RAP1A: variants seen among roughly 807,000 people sequenced by gnomAD.
The protein encoded by RAP1A is RAP1A, member of RAS oncogene family, also known as ras-related protein Rap-1A.
In RAP1A, 6 loss-of-function variants were observed where a neutral mutation model predicts 26.4. That is an observed-to-expected ratio of 0.23 (90% CI 0.12 to 0.45). The LOEUF is 0.45. Among genes scored for constraint, RAP1A ranks in the 20% least tolerant of loss-of-function variants. The probability of loss-of-function intolerance (pLI) is 0.99; values close to 1 mark genes in which losing one functional copy is unlikely to be tolerated. For missense variants in RAP1A, 121 were observed against 217.2 expected, an observed-to-expected ratio of 0.56 and a Z score of 2.78; for synonymous variants, 73 against 79.4, an observed-to-expected ratio of 0.92 and a Z score of 0.43.
chr1:111,685,249 G>A (rs986092924), intron 1 of RAP1A, among the ~76,000 whole-genome samples: 1 of 152,058 alleles, frequency 6.6e-6, no homozygotes, highest in African/African-American at 2.4e-5. Flanking sequence ...AAAAGCAATG[G>A]CAACGAAAGC....
intron 3 of RAP1A, among the ~76,000 whole-genome samples, chr1:111,695,937 G>A (rs1406369004): frequency 6.6e-6 from 1 of 152,186 alleles, no homozygotes; most frequent in Non-Finnish European, 1.5e-5. Context: ...TGATAACGAT[G>A]TGTTCATGTG....
chr1:111,607,104 G>A (rs890494736), intron 1 of RAP1A, among the ~76,000 whole-genome samples: 2 of 150,720 alleles, frequency 1.3e-5, no homozygotes, highest in Non-Finnish European at 1.5e-5. Context: ...CAATAGTGGA[G>A]GGAAGGTCAG....
In RAP1A at chr1:111,653,683, C is replaced by CAAAAA. The variant is rs71099925; in HGVS notation, c.-28+33771_-28+33775dup. On this transcript the variant is annotated intron_variant, in intron 1 of 7. Coordinates refer to ENST00000369709, the MANE Select transcript of RAP1A (RefSeq NM_002884.4). ...GGGCTACAAGAGCGAAACTCTGTCT[C>CAAAAA]AAAAAAAAAAAAAAAAAAAAAAAAA... is the stretch of plus-strand genomic sequence containing the variant. Among the ~76,000 whole-genome samples, 11 of 65,706 alleles carry CAAAAA rather than the reference C, an allele frequency of 1.7e-4. 1 individual carries two copies. Among genetic ancestry groups the CAAAAA allele is most frequent in the African/African-American group, 7.0e-4 (10 of 14,258 alleles). 43.1% of individuals were successfully genotyped at this position (65,706 alleles called of 152,430 possible).
At chr1:111,546,408 A>G (rs1657035400) in intron 1 of RAP1A, among the ~76,000 whole-genome samples, 1 of 152,104 alleles carries the variant, frequency 6.6e-6, no homozygotes, top group African/African-American at 2.4e-5. Flanking sequence ...TACCCATTAA[A>G]CAGTAACTCC....
chr1:111,554,122 C>T (rs1657384011), intron 1 of RAP1A, among the ~76,000 whole-genome samples: 1 of 152,228 alleles, frequency 6.6e-6, no homozygotes, highest in Non-Finnish European at 1.5e-5. Flanking sequence ...TATTACTTAA[C>T]TTCCCTATGC....
intron 1 of RAP1A, among the ~76,000 whole-genome samples, chr1:111,606,720 GT>G (rs1658789991): frequency 6.6e-6 from 1 of 152,220 alleles, no homozygotes; most frequent in Non-Finnish European, 1.5e-5. Flanking sequence ...TAATAAATCT[GT>G]GTGGTGCAAT....
At chr1:111,603,526 C>A (rs994306746) in intron 1 of RAP1A, among the ~76,000 whole-genome samples, 3 of 152,214 alleles carry the variant, frequency 2.0e-5, no homozygotes, top group African/African-American at 7.2e-5. Context: ...GAAGATTCAA[C>A]AGAATGTTCC....
chr1:111,651,552 C>T (rs1158101564), intron 1 of RAP1A, among the ~76,000 whole-genome samples: 3 of 149,598 alleles, frequency 2.0e-5, no homozygotes, highest in Non-Finnish European at 4.4e-5. Context: ...TCTTGGCTCG[C>T]TGTCACCTCT....
At chr1:111,641,629 G>A (rs538736004) in intron 1 of RAP1A, among the ~76,000 whole-genome samples, 30 of 152,214 alleles carry the variant, frequency 2.0e-4, no homozygotes, top group African/African-American at 7.2e-4. Flanking sequence ...AGGAAGGGGT[G>A]TGTGCGTGTG....
chr1:111,562,171 A>C (rs1657767512), intron 1 of RAP1A, among the ~76,000 whole-genome samples: 1 of 152,020 alleles, frequency 6.6e-6, no homozygotes, highest in South Asian at 2.1e-4. Flanking sequence ...AATCTTAGCT[A>C]TTCTTCAGAT....
intron 1 of RAP1A, among the ~76,000 whole-genome samples, chr1:111,629,376 AAGCAAGTT>A (rs1315465047): frequency 2.0e-5 from 3 of 152,156 alleles, no homozygotes; most frequent in Non-Finnish European, 4.4e-5. Flanking sequence ...GAATAATATA[AAGCAAGTT>A]AGCCAGAGAT....
intron 1 of RAP1A, among the ~76,000 whole-genome samples, chr1:111,651,024 G>A (rs1411533700): frequency 2.6e-5 from 4 of 151,954 alleles, no homozygotes; most frequent in Non-Finnish European, 5.9e-5. Flanking sequence ...GGATGGTCTC[G>A]ATCTCCTGAC....
chr1:111,596,449 T>C (rs1157429140), intron 1 of RAP1A, among the ~76,000 whole-genome samples: 1 of 152,242 alleles, frequency 6.6e-6, no homozygotes, highest in Non-Finnish European at 1.5e-5. Context: ...GGTTAAATTA[T>C]AACGTAAGAG....
At chr1:111,556,623 A>G (rs1206595757) in intron 1 of RAP1A, among the ~76,000 whole-genome samples, 2 of 152,230 alleles carry the variant, frequency 1.3e-5, no homozygotes, top group Non-Finnish European at 2.9e-5. Context: ...ACTTGAGGAC[A>G]TTATGCTAAG....
chr1:111,664,794 A>G (rs1273244903), intron 1 of RAP1A, among the ~76,000 whole-genome samples: 1 of 152,192 alleles, frequency 6.6e-6, no homozygotes, highest in Non-Finnish European at 1.5e-5. Context: ...CTTCCTAGAT[A>G]TGTGACTTTG....
chr1:111,560,680 C>T (rs1389987931), intron 1 of RAP1A, among the ~76,000 whole-genome samples: 1 of 151,958 alleles, frequency 6.6e-6, no homozygotes, highest in East Asian at 1.9e-4. Context: ...GTTGGAGAGA[C>T]AGGGACCCAC....
At chr1:111,687,823 A>G (rs975285388) in intron 1 of RAP1A, among the ~76,000 whole-genome samples, 1 of 151,878 alleles carries the variant, frequency 6.6e-6, no homozygotes, top group Non-Finnish European at 1.5e-5. Context: ...AGACCAGCCT[A>G]GGTAACATAG....
At chr1:111,685,162 A>G (rs1571559094) in intron 1 of RAP1A, among the ~76,000 whole-genome samples, 2 of 152,350 alleles carry the variant, frequency 1.3e-5, no homozygotes, top group Middle Eastern at 6.8e-3. Context: ...CCCTAAAACC[A>G]TAAAAACCCG....
chr1:111,570,548 C>G (rs4839147), intron 1 of RAP1A, among the ~76,000 whole-genome samples: 46,732 of 151,862 alleles, frequency 0.31, 7,324 homozygotes, highest in Middle Eastern at 0.35. Context: ...CTTGGTGTCC[C>G]TCTTAGTCCA....
Sources: allele counts gnomAD v4.1 joint callset (sites outside exome capture counted in the v4.1 genomes callset), GRCh38; gene constraint gnomAD v4.1.1; transcripts MANE v1.5; gene names NCBI Gene and HGNC (gene_info 2026-07-23, HGNC 2026-07-21).